The following PAK5 variants were observed in gnomAD, a reference collection of about 807,000 sequenced individuals.
PAK5 encodes the protein serine/threonine-protein kinase PAK 5.
A neutral mutation model predicts 65.9 loss-of-function variants in PAK5; 16 were observed. That is an observed-to-expected ratio of 0.24 (90% CI 0.16 to 0.37). The LOEUF (loss-of-function observed/expected upper bound fraction) is 0.37, where lower values mean the gene tolerates loss of function less well. PAK5 is among the 10% of genes least tolerant of loss of function. The pLI, the probability that PAK5 is intolerant of heterozygous loss-of-function variation, is 1.00. For synonymous variants in PAK5, 371 were observed against 354.9 expected (o/e 1.05, Z -0.51); for missense variants, 785 against 903.9 (o/e 0.87, Z 1.69).
chr20:9,630,000 AG>A (rs1246806590), intron 3 of PAK5, among the ~76,000 whole-genome samples: 9 of 152,176 alleles, frequency 5.9e-5, no homozygotes. Flanking sequence ...TCGGTGAAAT[AG>A]TCTCCCGAGG....
intron 7 of PAK5, among the ~76,000 whole-genome samples, chr20:9,548,664 A>G (rs2045381581): frequency 6.6e-6 from 1 of 152,238 alleles, no homozygotes; most frequent in South Asian, 2.1e-4. Flanking sequence ...AAATGCTACT[A>G]GATTTATTTT....
rs1433876771 is a variant in PAK5, at chr20:9,580,520, T to G, written c.615A>C (p.Ser205=). The part of the protein sequence containing the change: ...FSADYHSHLD[S]LSKPSEYSDL... ...CACTGTATTCACTTGGTTTGCTCAG[T>G]GAGTCCAAATGTGAGTGATAATCGG... Residue 205 remains serine (S), a synonymous_variant, in exon 4 of 10, where the codon TCA becomes TCC. Coordinates refer to ENST00000353224, the MANE Select transcript of PAK5 (RefSeq NM_177990.4). 2 of 1,614,138 alleles carry G rather than the reference T, an allele frequency of 1.2e-6. No homozygotes were observed. Among genetic ancestry groups the G allele is most frequent in the Non-Finnish European group, 1.7e-6 (2 of 1,180,018 alleles).
chr20:9,819,699 G>C (rs750005154), intron 1 of PAK5, among the ~76,000 whole-genome samples: 16 of 151,952 alleles, frequency 1.1e-4, no homozygotes, highest in Admixed American at 3.3e-4. Flanking sequence ...TCTGATTTCT[G>C]ACTCTAGGGG....
intron 3 of PAK5, among the ~76,000 whole-genome samples, chr20:9,637,196 G>A (rs1387025453): frequency 1.3e-5 from 2 of 152,076 alleles, no homozygotes; most frequent in Non-Finnish European, 2.9e-5. Context: ...TTTTAGTGGA[G>A]ACGAGGTTTT....
intron 4 of PAK5, among the ~76,000 whole-genome samples, chr20:9,574,486 G>C (rs1162748913): frequency 6.6e-6 from 1 of 152,142 alleles, no homozygotes; most frequent in Non-Finnish European, 1.5e-5. Context: ...TGATGTGGAG[G>C]GACTCTTCGT....
chr20:9,760,310 C>T (rs1021308525), intron 1 of PAK5, among the ~76,000 whole-genome samples: 3 of 152,152 alleles, frequency 2.0e-5, no homozygotes, highest in Non-Finnish European at 4.4e-5. Flanking sequence ...GTTCTCCATG[C>T]TATTCATCAA....
chr20:9,657,583 G>A (rs1179819389), intron 2 of PAK5, among the ~76,000 whole-genome samples: 1 of 152,090 alleles, frequency 6.6e-6, no homozygotes, highest in East Asian at 1.9e-4. Flanking sequence ...CCTCTTTTGT[G>A]TTTCAAAATA....
intron 1 of PAK5, among the ~76,000 whole-genome samples, chr20:9,773,339 T>C (rs1172518049): frequency 1.3e-5 from 2 of 152,152 alleles, no homozygotes; most frequent in Non-Finnish European, 2.9e-5. Flanking sequence ...GCTGCACCCA[T>C]TAACTCATCA....
At chr20:9,796,318 G>A (rs965507655) in intron 1 of PAK5, among the ~76,000 whole-genome samples, 3 of 151,988 alleles carry the variant, frequency 2.0e-5, no homozygotes. Flanking sequence ...CTCTGAGGAT[G>A]TAACTGATAA....
intron 7 of PAK5, among the ~76,000 whole-genome samples, chr20:9,553,908 T>C (rs183719803): frequency 6.6e-6 from 1 of 152,320 alleles, no homozygotes; most frequent in Admixed American, 6.5e-5. Flanking sequence ...CCATTTTTAA[T>C]TTTGAAAAAG....
chr20:9,703,225 C>A (rs2047962274), intron 2 of PAK5, among the ~76,000 whole-genome samples: 1 of 152,188 alleles, frequency 6.6e-6, no homozygotes, highest in Admixed American at 6.5e-5. Flanking sequence ...GTGTCCTTGA[C>A]AAACAACTGA....
intron 9 of PAK5, among the ~76,000 whole-genome samples, chr20:9,540,178 A>T (rs2045238222): frequency 6.6e-6 from 1 of 152,198 alleles, no homozygotes; most frequent in Non-Finnish European, 1.5e-5. Flanking sequence ...CTGTGCTCAA[A>T]TGATCCTCCC....
intron 1 of PAK5, among the ~76,000 whole-genome samples, chr20:9,760,443 C>T (rs2048685508): frequency 6.6e-6 from 1 of 151,954 alleles, no homozygotes; most frequent in Admixed American, 6.6e-5. Flanking sequence ...TCCGTTCTCC[C>T]ATTTGGATAG....
intron 1 of PAK5, among the ~76,000 whole-genome samples, chr20:9,740,017 T>C (rs1193671439): frequency 6.6e-6 from 1 of 152,172 alleles, no homozygotes; most frequent in Non-Finnish European, 1.5e-5. Context: ...CAGTTGCACA[T>C]ATTTCATATT....
chr20:9,811,848 C>G (rs2049301841), intron 1 of PAK5, among the ~76,000 whole-genome samples: 1 of 152,170 alleles, frequency 6.6e-6, no homozygotes, highest in Non-Finnish European at 1.5e-5. Flanking sequence ...AAACCACACC[C>G]TCCAAAAACT....
chr20:9,719,873 A>G (rs745967236), intron 1 of PAK5, among the ~76,000 whole-genome samples: 1 of 152,236 alleles, frequency 6.6e-6, no homozygotes, highest in Non-Finnish European at 1.5e-5. Context: ...GTAAGGTACT[A>G]CACAACATTA....
At chr20:9,660,975 A>G (rs1294118580) in intron 2 of PAK5, among the ~76,000 whole-genome samples, 4 of 152,096 alleles carry the variant, frequency 2.6e-5, no homozygotes, top group African/African-American at 9.7e-5. Context: ...GTTCCACCAC[A>G]AACCTACTGA....
chr20:9,700,868 G>A (rs2047930767), intron 2 of PAK5, among the ~76,000 whole-genome samples: 1 of 152,044 alleles, frequency 6.6e-6, no homozygotes, highest in Admixed American at 6.6e-5. Context: ...CAGAAAATCA[G>A]GTCACTTGTT....
At chr20:9,664,054 T>C (rs2047380593) in intron 2 of PAK5, among the ~76,000 whole-genome samples, 1 of 152,142 alleles carries the variant, frequency 6.6e-6, no homozygotes, top group Non-Finnish European at 1.5e-5. Context: ...TAAGTGCATA[T>C]TTTACCTCAT....
Sources: allele counts gnomAD v4.1 joint callset (sites outside exome capture counted in the v4.1 genomes callset), GRCh38; gene constraint gnomAD v4.1.1; transcripts MANE v1.5; gene names NCBI Gene and HGNC (gene_info 2026-07-23, HGNC 2026-07-21).